Variants in L3MBTL4 observed in about 807,000 individuals in gnomAD.
L3MBTL4 encodes L3MBTL histone methyl-lysine binding protein 4.
Under a neutral mutation model 84.5 loss-of-function variants are expected in L3MBTL4, and 70 were observed. That is an observed-to-expected ratio of 0.83 (90% CI 0.68 to 1.01). The LOEUF is 1.01. Among genes scored for constraint, L3MBTL4 ranks in the 50% least tolerant of loss-of-function variants. L3MBTL4 has a pLI of 0.00. For synonymous variants in L3MBTL4, 274 were observed against 259.8 expected (o/e 1.05, Z -0.52); for missense variants, 715 against 754.8 (o/e 0.95, Z 0.62).
In L3MBTL4 at chr18:6,241,357, C is replaced by A. The variant is rs754499355; in HGVS notation, c.552+1G>T. The A allele has an allele frequency of 1.9e-6, 3 of 1,539,650 alleles. No individual in the cohort carries two copies. In the South Asian group the frequency reaches 3.5e-5, roughly 18 times the overall value. On this transcript the variant is annotated splice_donor_variant, in intron 8 of 18. Coordinates refer to ENST00000317931, the MANE Select transcript of L3MBTL4 (RefSeq NM_001330559.2). LOFTEE classifies it high-confidence loss of function. ...TTTATGCTGGGAAAGAAAATACTTA[C>A]AGGACTTCTGTTTCTGAATAATTTC...
At chr18:6,379,022 A>G (rs1412697764) in intron 1 of L3MBTL4, among the ~76,000 whole-genome samples, 1 of 152,172 alleles carries the variant, frequency 6.6e-6, no homozygotes, top group African/African-American at 2.4e-5. Context: ...TTCTCCTTGA[A>G]GAGATCCTTC....
At chr18:6,017,699 TA>T (rs1021511248) in intron 16 of L3MBTL4, 2 of 152,236 alleles carry the variant, frequency 1.3e-5, no homozygotes, top group African/African-American at 4.8e-5. Flanking sequence ...TTAATTCTTT[TA>T]TTTTTTTTTA....
chr18:6,413,586 G>A (rs971356472), intron 1 of L3MBTL4, among the ~76,000 whole-genome samples: 48 of 151,436 alleles, frequency 3.2e-4, no homozygotes, highest in African/African-American at 1.1e-3. Context: ...TTAGAAAACC[G>A]AAGAGCCACA....
At chr18:6,292,896 C>T (rs2049931003) in intron 4 of L3MBTL4, among the ~76,000 whole-genome samples, 1 of 120,694 alleles carries the variant, frequency 8.3e-6, no homozygotes, top group Non-Finnish European at 1.8e-5. Context: ...TAGTTCTACC[C>T]TCTGCCATCA....
rs2145528109 is a variant in L3MBTL4, at chr18:6,192,073, T to C, written c.982-20131A>G. ...AAAATATTCAAGAGAGAAGGGGGAATCAATAGAAGGTGTGTGAGAAGGAGC... is the reference window on the plus strand; with the variant it reads ...AAAATATTCAAGAGAGAAGGGGGAACCAATAGAAGGTGTGTGAGAAGGAGC... On this transcript the variant is annotated intron_variant, in intron 12 of 18. Coordinates refer to ENST00000317931, the MANE Select transcript of L3MBTL4 (RefSeq NM_001330559.2). 3.4e-5 allele frequency among the ~76,000 whole-genome samples: 5 copies of C among 148,768 alleles called. No homozygotes were observed. In the South Asian group the frequency reaches 1.1e-3, roughly 32 times the overall value.
chr18:6,251,070 T>C (rs1195747382), intron 5 of L3MBTL4, among the ~76,000 whole-genome samples: 1 of 152,202 alleles, frequency 6.6e-6, no homozygotes, highest in Non-Finnish European at 1.5e-5. Flanking sequence ...TCAATCATGC[T>C]ATCAGTAATG....
intron 4 of L3MBTL4, among the ~76,000 whole-genome samples, chr18:6,271,044 CG>C (rs1423998897): frequency 6.6e-6 from 1 of 152,084 alleles, no homozygotes; most frequent in Non-Finnish European, 1.5e-5. Flanking sequence ...ACAGAGCCCG[CG>C]GGGCATGAGG....
At chr18:6,215,254 G>A (rs2046275347) in intron 11 of L3MBTL4, among the ~76,000 whole-genome samples, 1 of 152,082 alleles carries the variant, frequency 6.6e-6, no homozygotes, top group Non-Finnish European at 1.5e-5. Context: ...TTTATACTTA[G>A]TTCAATCCTG....
At chr18:6,262,937 A>G (rs1433761369) in intron 5 of L3MBTL4, among the ~76,000 whole-genome samples, 1 of 152,198 alleles carries the variant, frequency 6.6e-6, no homozygotes, top group Non-Finnish European at 1.5e-5. Context: ...AACTCAACAG[A>G]TGTCATGAAA....
At chr18:6,279,298 A>G (rs2049224412) in intron 4 of L3MBTL4, among the ~76,000 whole-genome samples, 1 of 152,128 alleles carries the variant, frequency 6.6e-6, no homozygotes, top group Non-Finnish European at 1.5e-5. Context: ...ATTACAAGTA[A>G]AGAACAAGAG....
chr18:6,065,419 TG>T (rs2057368776), intron 16 of L3MBTL4, among the ~76,000 whole-genome samples: 1 of 152,090 alleles, frequency 6.6e-6, no homozygotes, highest in Non-Finnish European at 1.5e-5. Context: ...TCAGTAGAAT[TG>T]GTACCAATTC....
At position 6,073,500 on chromosome 18, in the gene L3MBTL4, T is replaced by C. The variant is rs1199632092; in HGVS notation, c.1444+7381A>G. Among the ~76,000 whole-genome samples, 3 of 152,274 alleles carry C rather than the reference T, an allele frequency of 2.0e-5. No individual in the cohort carries two copies. In the East Asian group the frequency reaches 5.8e-4, roughly 29 times the overall value. On this transcript the variant is annotated intron_variant, in intron 16 of 18. Transcript: ENST00000317931. The stretch of plus-strand genomic sequence containing the variant: ...ACAGTTAAAAAAGAAATGTTGTGAA[T>C]CTTACATAAACTCTTGGTGATAATG...
chr18:6,288,110 A>G (rs1214840741), intron 4 of L3MBTL4, among the ~76,000 whole-genome samples: 1 of 152,232 alleles, frequency 6.6e-6, no homozygotes, highest in African/African-American at 2.4e-5. Flanking sequence ...ATCTGGATCC[A>G]ACTGTCTTTA....
chr18:6,306,955 A>G (rs1178932067), intron 3 of L3MBTL4, among the ~76,000 whole-genome samples: 1 of 152,154 alleles, frequency 6.6e-6, no homozygotes, highest in Non-Finnish European at 1.5e-5. Context: ...TATACTGCTA[A>G]TAGCAACATC....
Position 6,322,456 on chromosome 18 carries a change from TGGAAGGAAGGAAGGAA to T in L3MBTL4, c.-90-10416_-90-10401del, listed in dbSNP as rs199942673. 2.3e-3 allele frequency among the ~76,000 whole-genome samples: 235 copies of T among 102,564 alleles called. 1 individual carries two copies. Among genetic ancestry groups the T allele is most frequent in the South Asian group, 7.2e-3 (18 of 2,510 alleles). 67.3% of individuals were successfully genotyped at this position (102,564 alleles called of 152,430 possible). The stretch of plus-strand genomic sequence containing the variant: ...GAGGGAGGAAGGAAAGAAGGAAGGA[TGGAAGGAAGGAAGGAA>T]GGAAGGAAGGAAGGAAGGAAGGAAG... On this transcript the variant is annotated intron_variant, in intron 1 of 18. Transcript: ENST00000317931.
intron 10 of L3MBTL4, among the ~76,000 whole-genome samples, chr18:6,221,278 C>A (rs2046539535): frequency 6.6e-6 from 1 of 151,858 alleles, no homozygotes; most frequent in Non-Finnish European, 1.5e-5. Flanking sequence ...TACTGGTGGC[C>A]AATTCAGGAA....
At chr18:6,112,292 A>G (rs1444052394) in intron 14 of L3MBTL4, among the ~76,000 whole-genome samples, 2 of 152,192 alleles carry the variant, frequency 1.3e-5, no homozygotes, top group African/African-American at 2.4e-5. Flanking sequence ...ATTGATCCTA[A>G]CATTACATTC....
intron 16 of L3MBTL4, among the ~76,000 whole-genome samples, chr18:6,008,422 G>A (rs1267804638): frequency 6.6e-6 from 1 of 152,158 alleles, no homozygotes. Flanking sequence ...CTTAATTTGG[G>A]CTACAACAAA....
intron 5 of L3MBTL4, among the ~76,000 whole-genome samples, chr18:6,249,629 C>A (rs1168698420): frequency 2.0e-5 from 3 of 152,162 alleles, no homozygotes; most frequent in Non-Finnish European, 4.4e-5. Flanking sequence ...TGAGAAATAT[C>A]ACTGCCTTTC....
Sources: gnomAD v4.1 joint callset for allele counts (sites outside exome capture counted in the v4.1 genomes callset) on GRCh38, gnomAD v4.1.1 for gene constraint, MANE v1.5 for transcripts, NCBI Gene and HGNC (gene_info 2026-07-23, HGNC 2026-07-21) for gene names.